ATAD2B: variants seen among roughly 807,000 people sequenced by gnomAD.
The protein encoded by ATAD2B is ATPase family AAA domain containing 2B, also known as ATPase family AAA domain-containing protein 2B.
In ATAD2B, 40 loss-of-function variants were observed where a neutral mutation model predicts 167.6. The observed-to-expected ratio is 0.24, with a 90% confidence interval of 0.19 to 0.31. The LOEUF (loss-of-function observed/expected upper bound fraction) is 0.31, where lower values mean the gene tolerates loss of function less well. Ranked by LOEUF, ATAD2B falls within the 10% of genes least tolerant of loss-of-function variation. ATAD2B has a pLI of 1.00. For missense variants in ATAD2B, 1,242 were observed against 1,757.2 expected (o/e 0.71, Z 5.24); for synonymous variants, 579 against 596.5 (o/e 0.97, Z 0.43).
At chr2:23,701,256 C>T in the ATAD2B span, among the ~76,000 whole-genome samples, 2 of 152,180 alleles carry the variant, frequency 1.3e-5, no homozygotes, top group Admixed American at 1.3e-4. Context: ...ACTCTTTTGT[C>T]ATTCCTTGGT....
chr2:23,861,700 A>G (rs925939895), intron 12 of ATAD2B, among the ~76,000 whole-genome samples: 3 of 152,186 alleles, frequency 2.0e-5, no homozygotes, highest in African/African-American at 7.2e-5. Flanking sequence ...TTTAAATTAA[A>G]TCATTGAATA....
the ATAD2B span, among the ~76,000 whole-genome samples, chr2:23,735,075 G>A: frequency 6.6e-6 from 1 of 152,002 alleles, no homozygotes; most frequent in Admixed American, 6.6e-5. Flanking sequence ...TCATGTCATG[G>A]TACTGTTCAA....
chr2:23,797,145 C>T (rs1231779237), intron 19 of ATAD2B, among the ~76,000 whole-genome samples: 3 of 152,020 alleles, frequency 2.0e-5, no homozygotes, highest in African/African-American at 7.2e-5. Context: ...AACACTTTAA[C>T]CATAAAATTC....
chr2:23,686,427 C>G, the ATAD2B span, among the ~76,000 whole-genome samples: 2 of 152,180 alleles, frequency 1.3e-5, no homozygotes, highest in African/African-American at 4.8e-5. Context: ...GTCACGTCCT[C>G]TCCTGCGCCC....
the ATAD2B span, among the ~76,000 whole-genome samples, chr2:23,710,756 G>A: frequency 0.12 from 17,801 of 152,234 alleles, 1,108 homozygotes; most frequent in Middle Eastern, 0.2. Flanking sequence ...TTGCCGTTAC[G>A]TTGTATTAGG....
At chr2:23,911,415 C>T (rs1477361593) in intron 1 of ATAD2B, among the ~76,000 whole-genome samples, 1 of 151,812 alleles carries the variant, frequency 6.6e-6, no homozygotes, top group Non-Finnish European at 1.5e-5. Context: ...ATTAGCCAGG[C>T]GTAGTGGCAC....
chr2:23,806,240 A>G (rs926359242), intron 18 of ATAD2B: 8 of 152,206 alleles, frequency 5.3e-5, no homozygotes, highest in Non-Finnish European at 1.0e-4. Flanking sequence ...TACAGAAAAA[A>G]GTAGGAAATC....
the ATAD2B span, among the ~76,000 whole-genome samples, chr2:23,714,272 C>T: frequency 6.8e-6 from 1 of 146,066 alleles, no homozygotes; most frequent in Non-Finnish European, 1.5e-5. Context: ...CAGAGTCTTG[C>T]TCTGTTGCCT....
At chr2:23,684,623 C>G in the ATAD2B span, 2 of 1,263,320 alleles carry the variant, frequency 1.6e-6, no homozygotes, top group Non-Finnish European at 2.1e-6. This position sits in a 1 kb window ranked among gnomAD's most constrained non-coding sequence, Gnocchi z 4.4. Flanking sequence ...CTTGCAGGTT[C>G]CTGAAGCGTG....
the ATAD2B span, among the ~76,000 whole-genome samples, chr2:23,739,195 T>C: frequency 1.6e-4 from 25 of 151,978 alleles, no homozygotes; most frequent in East Asian, 3.9e-4. Flanking sequence ...CTGCACCAAG[T>C]GGACCTAATA....
chr2:23,834,138 G>C (rs1022680907), intron 13 of ATAD2B, 60 bp from the exon 14 acceptor site: 2 of 300,462 alleles, frequency 6.7e-6, no homozygotes, highest in Non-Finnish European at 1.2e-5. Context: ...TTACAATAAC[G>C]TTTATCAGTC....
At chr2:23,910,339 C>T (rs1026851834) in intron 1 of ATAD2B, among the ~76,000 whole-genome samples, 1 of 151,418 alleles carries the variant, frequency 6.6e-6, no homozygotes, top group Admixed American at 6.6e-5. Context: ...CCACGATGCT[C>T]AGCTAATTTT....
At chr2:23,807,897 AAAATATAT>A (rs1558568515) in intron 18 of ATAD2B, among the ~76,000 whole-genome samples, 1 of 135,344 alleles carries the variant, frequency 7.4e-6, no homozygotes, top group Non-Finnish European at 1.5e-5. Flanking sequence ...TGTATATAAT[AAAATATAT>A]AAATATAAAT....
the ATAD2B span, among the ~76,000 whole-genome samples, chr2:23,704,446 C>T: frequency 6.6e-6 from 1 of 152,198 alleles, no homozygotes; most frequent in African/African-American, 2.4e-5. Flanking sequence ...CCCATCCTTT[C>T]CTGGACTAAG....
chr2:23,798,150 T>C lies in ATAD2B; in HGVS notation c.2628A>G (p.Glu876=), dbSNP rs1288877908. 9 of 1,571,260 alleles carry C rather than the reference T, an allele frequency of 5.7e-6. No homozygotes were observed. Among genetic ancestry groups the C allele is most frequent in the Admixed American group, 3.5e-5 (2 of 57,028 alleles). ...LLSTSETMYS[E]LPEEVKCIFR... ...AATCAGTTCTTACCTCTTCAGGCAG[T>C]TCACTGTACATGGTTTCAGAGGTAG... Residue 876 remains glutamate (E), a synonymous_variant, in exon 19 of 28, where the codon GAA becomes GAG. Coordinates refer to ENST00000238789, the MANE Select transcript of ATAD2B (RefSeq NM_017552.4).
At chr2:23,706,748 C>T in the ATAD2B span, 1 of 960,706 alleles carries the variant, frequency 1.0e-6, no homozygotes. Flanking sequence ...GCGACACCAA[C>T]AAGAGGCCAA....
At chr2:23,742,928 T>G in the ATAD2B span, among the ~76,000 whole-genome samples, 1 of 151,904 alleles carries the variant, frequency 6.6e-6, no homozygotes, top group African/African-American at 2.4e-5. Context: ...CTAAGAAAAG[T>G]GTAACATTTA....
At chr2:23,890,170 G>A (rs979173140) in intron 2 of ATAD2B, among the ~76,000 whole-genome samples, 5 of 150,276 alleles carry the variant, frequency 3.3e-5, no homozygotes, top group Admixed American at 6.6e-5. Context: ...AGCCGAGATC[G>A]CGCCACTGCA....
At chr2:23,895,787 G>T in intron 2 of ATAD2B, 32 bp downstream of exon 2, 1 of 1,537,702 alleles carries the variant, frequency 6.5e-7, no homozygotes, top group South Asian at 1.2e-5. Context: ...AGTAATTTAA[G>T]AAAAAACAAT....
Sources: gnomAD v4.1 joint callset for allele counts (sites outside exome capture counted in the v4.1 genomes callset) on GRCh38, gnomAD v4.1.1 for gene constraint, Gnocchi (gnomAD v3.1) non-coding constraint, MANE v1.5 for transcripts, NCBI Gene and HGNC (gene_info 2026-07-23, HGNC 2026-07-21) for gene names.